ADGRB3: variants seen among roughly 807,000 people sequenced by gnomAD.
The protein encoded by ADGRB3 is brain-specific angiogenesis inhibitor 3.
Under a neutral mutation model 193.4 loss-of-function variants are expected in ADGRB3, and 37 were observed. That is an observed-to-expected ratio of 0.19 (90% CI 0.15 to 0.25). The LOEUF (loss-of-function observed/expected upper bound fraction) is 0.25, where lower values mean the gene tolerates loss of function less well. Ranked by LOEUF, ADGRB3 falls within the 10% of genes least tolerant of loss-of-function variation. The pLI is 1.00. For synonymous variants in ADGRB3, 690 were observed against 644.2 expected (o/e 1.07, Z -1.08); for missense variants, 1,637 against 1,852.9 (o/e 0.88, Z 2.14).
At chr6:69,063,581 A>G (rs1198269379) in intron 16 of ADGRB3, among the ~76,000 whole-genome samples, 3 of 152,064 alleles carry the variant, frequency 2.0e-5, no homozygotes, top group African/African-American at 7.2e-5. Flanking sequence ...GGGAATGATT[A>G]ATTCAGAGGA....
At chr6:68,943,507 A>G (rs1398699678) in intron 5 of ADGRB3, among the ~76,000 whole-genome samples, 5 of 152,160 alleles carry the variant, frequency 3.3e-5, no homozygotes, top group Admixed American at 6.6e-5. Flanking sequence ...ACTAGTTGAT[A>G]TTACTTCAAC....
At chr6:68,641,558 G>C (rs990675331) in intron 3 of ADGRB3, among the ~76,000 whole-genome samples, 1 of 152,082 alleles carries the variant, frequency 6.6e-6, no homozygotes, top group African/African-American at 2.4e-5. Context: ...TGTATCATAG[G>C]GGAACAACAT....
At chr6:68,721,293 G>T (rs920644218) in intron 3 of ADGRB3, among the ~76,000 whole-genome samples, 1 of 150,858 alleles carries the variant, frequency 6.6e-6, no homozygotes, top group Admixed American at 6.6e-5. Context: ...ATACTATGCA[G>T]CCATAAAAAA....
At chr6:69,170,361 G>A (rs1243545228) in intron 17 of ADGRB3, among the ~76,000 whole-genome samples, 2 of 152,012 alleles carry the variant, frequency 1.3e-5, no homozygotes, top group Non-Finnish European at 2.9e-5. Flanking sequence ...TTTCTTTACG[G>A]CACTCAACTA....
chr6:68,744,246 CAGAG>C (rs1326122881), intron 3 of ADGRB3, among the ~76,000 whole-genome samples: 1 of 151,962 alleles, frequency 6.6e-6, no homozygotes, highest in Middle Eastern at 3.4e-3. Context: ...AAATAAAAAA[CAGAG>C]AGGATGTGAA....
intron 3 of ADGRB3, among the ~76,000 whole-genome samples, chr6:68,680,475 C>T (rs953560836): frequency 5.9e-5 from 9 of 152,066 alleles, no homozygotes; most frequent in Non-Finnish European, 7.4e-5. Context: ...ACTTTGGTAA[C>T]GGCCTTTAGA....
chr6:68,840,241 T>C (rs1038398444), intron 3 of ADGRB3, among the ~76,000 whole-genome samples: 1 of 152,050 alleles, frequency 6.6e-6, no homozygotes, highest in Non-Finnish European at 1.5e-5. Context: ...GCCAAAGATG[T>C]TGCAGCTCTG....
At chr6:69,130,763 T>C (rs1320282314) in intron 17 of ADGRB3, among the ~76,000 whole-genome samples, 1 of 151,996 alleles carries the variant, frequency 6.6e-6, no homozygotes, top group Non-Finnish European at 1.5e-5. Flanking sequence ...TGGATCAGTA[T>C]CTCAGCTTTT....
chr6:68,682,261 A>C (rs1281075401), intron 3 of ADGRB3, among the ~76,000 whole-genome samples: 3 of 152,220 alleles, frequency 2.0e-5, no homozygotes, highest in Non-Finnish European at 4.4e-5. Flanking sequence ...CAACTAACCC[A>C]GTCTGTTTTT....
intron 3 of ADGRB3, among the ~76,000 whole-genome samples, chr6:68,691,606 A>C (rs1765074176): frequency 6.6e-6 from 1 of 152,014 alleles, no homozygotes; most frequent in East Asian, 1.9e-4. Context: ...TCACTATCTT[A>C]ACCAACAATT....
intron 17 of ADGRB3, among the ~76,000 whole-genome samples, chr6:69,201,881 C>T (rs1765424237): frequency 6.6e-6 from 1 of 152,114 alleles, no homozygotes; most frequent in South Asian, 2.1e-4. Context: ...CTTCTGTTGT[C>T]TACCCTTCCA....
intron 13 of ADGRB3, among the ~76,000 whole-genome samples, chr6:69,028,288 A>G (rs572280936): frequency 2.3e-4 from 35 of 152,358 alleles, no homozygotes; most frequent in African/African-American, 7.7e-4. Flanking sequence ...AACCAAGTCC[A>G]GCAAGAAACT....
At chr6:68,676,705 T>C (rs940884181) in intron 3 of ADGRB3, among the ~76,000 whole-genome samples, 1 of 152,278 alleles carries the variant, frequency 6.6e-6, no homozygotes, top group South Asian at 2.1e-4. Flanking sequence ...TTTATGTCCT[T>C]CATAGCTCTT....
chr6:68,983,474 A>C (rs1441866821), intron 10 of ADGRB3, among the ~76,000 whole-genome samples: 1 of 149,002 alleles, frequency 6.7e-6, no homozygotes. Context: ...TATATATAGT[A>C]TATATATAAT....
At chr6:68,816,587 G>T (rs891723193) in intron 3 of ADGRB3, among the ~76,000 whole-genome samples, 1 of 151,694 alleles carries the variant, frequency 6.6e-6, no homozygotes, top group African/African-American at 2.4e-5. Context: ...TTTTCTAATA[G>T]ATGTTTGATT....
In ADGRB3 at chr6:68,960,848, T is replaced by A. The variant is rs1768212970; in HGVS notation, c.1525+4039T>A. On this transcript the variant is annotated intron_variant, in intron 8 of 31. Coordinates refer to ENST00000370598, the MANE Select transcript of ADGRB3 (RefSeq NM_001704.3). ...CTTGAATGAGCCTGAGAATCTGCAT[T>A]TTTATGAAGGTCTCAGGTGATGCTG... 2.6e-5 allele frequency among the ~76,000 whole-genome samples: 4 copies of A among 152,194 alleles called. No individual in the cohort carries two copies. In the South Asian group the frequency reaches 8.3e-4, roughly 32 times the overall value.
At chr6:69,323,022 G>C (rs1248304753) in intron 20 of ADGRB3, among the ~76,000 whole-genome samples, 1 of 152,034 alleles carries the variant, frequency 6.6e-6, no homozygotes, top group African/African-American at 2.4e-5. Flanking sequence ...GTGAATACCA[G>C]GGAGATGTGA....
chr6:68,692,422 C>G (rs927377715), intron 3 of ADGRB3, among the ~76,000 whole-genome samples: 2 of 151,872 alleles, frequency 1.3e-5, no homozygotes, highest in Admixed American at 6.6e-5. Flanking sequence ...TATAAGTCAT[C>G]TTGCTCAAAG....
chr6:69,312,821 C>T (rs112691435), intron 20 of ADGRB3, among the ~76,000 whole-genome samples: 377 of 151,810 alleles, frequency 2.5e-3, no homozygotes, highest in Non-Finnish European at 4.2e-3. Flanking sequence ...GAATGCATAG[C>T]AGAATGTTCC....
Sources: allele counts gnomAD v4.1 joint callset (sites outside exome capture counted in the v4.1 genomes callset), GRCh38; gene constraint gnomAD v4.1.1; transcripts MANE v1.5; gene names NCBI Gene and HGNC (gene_info 2026-07-23, HGNC 2026-07-21).